CNTN5: variants seen among roughly 807,000 people sequenced by gnomAD.
The protein encoded by CNTN5 is contactin 5.
CNTN5 carries 77 observed loss-of-function variants against 129.1 expected under a neutral mutation model. The observed-to-expected ratio is 0.60, with a 90% CI of 0.50 to 0.72. The LOEUF is 0.72. CNTN5 is among the 30% of genes least tolerant of loss of function. The pLI is 0.00. For synonymous variants in CNTN5, 509 were observed against 465.6 expected (o/e 1.09, Z -1.20); for missense variants, 1,478 against 1,328.8 (o/e 1.11, Z -1.75).
At chr11:99,248,595 G>A (rs1399725993) in intron 1 of CNTN5, among the ~76,000 whole-genome samples, 1 of 152,038 alleles carries the variant, frequency 6.6e-6, no homozygotes, top group Non-Finnish European at 1.5e-5. Flanking sequence ...TATGGTTTTA[G>A]GTCTAACATT....
intron 21 of CNTN5, among the ~76,000 whole-genome samples, chr11:100,313,260 G>A (rs1951507954): frequency 1.3e-5 from 2 of 151,932 alleles, no homozygotes; most frequent in South Asian, 2.1e-4. Flanking sequence ...GAAGTTAAGA[G>A]TTATCACAAT....
chr11:100,334,139 C>T (rs1024096785), intron 21 of CNTN5, among the ~76,000 whole-genome samples: 3 of 152,072 alleles, frequency 2.0e-5, no homozygotes, highest in Non-Finnish European at 4.4e-5. Flanking sequence ...AAACAATTCT[C>T]AAAAGAAGAT....
intron 2 of CNTN5, among the ~76,000 whole-genome samples, chr11:99,383,972 G>A (rs1483024997): frequency 6.6e-6 from 1 of 152,170 alleles, no homozygotes; most frequent in Non-Finnish European, 1.5e-5. Flanking sequence ...CTCCAAGAAA[G>A]AGTATTAAAA....
intron 3 of CNTN5, among the ~76,000 whole-genome samples, chr11:99,678,937 T>C (rs1447583822): frequency 1.3e-5 from 2 of 150,128 alleles, no homozygotes; most frequent in Non-Finnish European, 3.0e-5. Context: ...CCACATTTTT[T>C]ATTGTATCTG....
chr11:99,303,260 A>G (rs1183669397), intron 1 of CNTN5, among the ~76,000 whole-genome samples: 2 of 151,896 alleles, frequency 1.3e-5, no homozygotes, highest in Non-Finnish European at 2.9e-5. Context: ...TACTATATGC[A>G]TATGTTGAAA....
chr11:99,474,040 A>C (rs1315508973), intron 2 of CNTN5, among the ~76,000 whole-genome samples: 2 of 152,064 alleles, frequency 1.3e-5, no homozygotes, highest in Admixed American at 6.6e-5. Flanking sequence ...GGTGAGTAGT[A>C]ATATACTCTT....
rs531690055 is a variant in CNTN5, at chr11:99,923,958, A to AT, written c.673+7815dup. On this transcript the variant is annotated intron_variant, in intron 7 of 24. Transcript: ENST00000524871. ...AGGCGCACACCACCACACCCAGCTA[A>AT]TTTTTTGTGTTTTAGTAGAGACAGG... is the stretch of plus-strand genomic sequence containing the variant. Among the ~76,000 whole-genome samples, 60 of 152,074 alleles carry AT rather than the reference A, an allele frequency of 3.9e-4. No individual in the cohort carries two copies. The East Asian group carries it at 0.01, about 27-fold the overall frequency.
chr11:99,611,097 C>T (rs964277917), intron 3 of CNTN5, among the ~76,000 whole-genome samples: 1 of 152,124 alleles, frequency 6.6e-6, no homozygotes, highest in African/African-American at 2.4e-5. Flanking sequence ...TGATTTCAAA[C>T]TTTATTTTCA....
intron 13 of CNTN5, among the ~76,000 whole-genome samples, chr11:100,164,923 A>T (rs1038952783): frequency 3.3e-5 from 5 of 151,860 alleles, no homozygotes; most frequent in African/African-American, 1.2e-4. Flanking sequence ...GGGAGATATT[A>T]CACATAAAAG....
At chr11:100,321,582 T>C (rs1165924270) in intron 21 of CNTN5, among the ~76,000 whole-genome samples, 2 of 152,208 alleles carry the variant, frequency 1.3e-5, no homozygotes, top group Admixed American at 1.3e-4. Context: ...CTTCCAGTAC[T>C]ATATTGAAGA....
At chr11:99,205,160 T>TTAAC (rs1451613233) in intron 1 of CNTN5, among the ~76,000 whole-genome samples, 1 of 105,818 alleles carries the variant, frequency 9.5e-6, no homozygotes, top group African/African-American at 3.8e-5. Context: ...ACAAACTCAA[T>TTAAC]AAGCAAACAA....
At chr11:99,989,222 G>A (rs569850919) in intron 8 of CNTN5, among the ~76,000 whole-genome samples, 2 of 152,108 alleles carry the variant, frequency 1.3e-5, no homozygotes, top group African/African-American at 4.8e-5. Flanking sequence ...TAATTTAATT[G>A]CTGAATATTT....
At chr11:99,580,244 G>A (rs1471228567) in intron 3 of CNTN5, among the ~76,000 whole-genome samples, 3 of 152,176 alleles carry the variant, frequency 2.0e-5, no homozygotes, top group African/African-American at 7.2e-5. Flanking sequence ...GTATTTTAGT[G>A]AGGATTTTTG....
intron 3 of CNTN5, among the ~76,000 whole-genome samples, chr11:99,637,153 A>G (rs931417970): frequency 6.6e-5 from 10 of 151,136 alleles, no homozygotes; most frequent in African/African-American, 2.4e-4. Context: ...ATTAAAATGT[A>G]ATTGTTTTCT....
intron 1 of CNTN5, among the ~76,000 whole-genome samples, chr11:99,051,803 G>A (rs1403519402): frequency 6.6e-6 from 1 of 151,790 alleles, no homozygotes; most frequent in African/African-American, 2.4e-5. Flanking sequence ...AGGGATTGTA[G>A]TTTATATAAA....
At chr11:99,702,987 T>C (rs1024334069) in intron 3 of CNTN5, among the ~76,000 whole-genome samples, 8 of 150,874 alleles carry the variant, frequency 5.3e-5, no homozygotes, top group Admixed American at 4.0e-4. Flanking sequence ...TTCGATACAC[T>C]GAGGGAATGT....
intron 24 of CNTN5, among the ~76,000 whole-genome samples, 174 bp downstream of exon 24, chr11:100,351,044 T>C (rs1952399891): frequency 6.6e-6 from 1 of 151,738 alleles, no homozygotes; most frequent in Non-Finnish European, 1.5e-5. Context: ...CTGCTCACAA[T>C]TGCAGAATTT....
At chr11:99,461,014 T>G (rs1944677337) in intron 2 of CNTN5, among the ~76,000 whole-genome samples, 1 of 152,040 alleles carries the variant, frequency 6.6e-6, no homozygotes, top group East Asian at 1.9e-4. Context: ...AATGGGTAAA[T>G]AAATTGTATC....
chr11:99,644,055 A>G (rs1951862831), intron 3 of CNTN5, among the ~76,000 whole-genome samples: 4 of 152,194 alleles, frequency 2.6e-5, no homozygotes, highest in Non-Finnish European at 5.9e-5. Flanking sequence ...TTCTATATAC[A>G]AAAACATAAA....
Sources: gnomAD v4.1 joint callset for allele counts (sites outside exome capture counted in the v4.1 genomes callset) on GRCh38, gnomAD v4.1.1 for gene constraint, MANE v1.5 for transcripts, NCBI Gene and HGNC (gene_info 2026-07-23, HGNC 2026-07-21) for gene names.